SYNM: variants seen among roughly 807,000 people sequenced by gnomAD.
The protein encoded by SYNM is synemin, also known as desmuslin.
SYNM carries 95 observed loss-of-function variants against 104.0 expected under a neutral mutation model. That is an observed-to-expected ratio of 0.91 (90% CI 0.77 to 1.08). SYNM has a LOEUF of 1.08. Among genes scored for constraint, SYNM ranks in the 50% least tolerant of loss-of-function variants. The pLI is 0.00. For synonymous variants in SYNM, 918 were observed against 869.0 expected (o/e 1.06, Z -0.99); for missense variants, 2,150 against 2,052.2 (o/e 1.05, Z -0.92).
rs571837118 is a variant in SYNM at position 99,105,365 on chromosome 15, G to A, written c.166G>A (p.Gly56Arg). The change falls in exon 1 of 4, where the codon GGG (glycine) becomes AGG (arginine). Residue 56 changes from glycine to arginine, a missense_variant. By Grantham distance (125) the Gly-to-Arg change is moderately radical. Coordinates refer to ENST00000336292, the MANE Select transcript of SYNM (RefSeq NM_145728.3). ...RRGREGLWAE[G>R]QARCAEEARS... The stretch of plus-strand genomic sequence containing the variant: ...CGGGCGAGAGGGCCTGTGGGCCGAG[G>A]GGCAGGCCCGCTGCGCCGAGGAGGC... The A allele has an allele frequency of 6.5e-6, 10 of 1,528,972 alleles. No homozygotes were observed. The Admixed American group carries it at 9.9e-5, about 15-fold the overall frequency. 94.7% of individuals were successfully genotyped at this position (1,528,972 alleles called of 1,614,324 possible).
intron 2 of SYNM, among the ~76,000 whole-genome samples, chr15:99,124,095 A>G (rs1555484824): frequency 6.6e-6 from 1 of 152,242 alleles, no homozygotes; most frequent in African/African-American, 2.4e-5. Flanking sequence ...AATGCCCACA[A>G]TAGCCCATGA....
chr15:99,135,803 C>G (rs1192349778), downstream of SYNM, among the ~76,000 whole-genome samples: 1 of 152,222 alleles, frequency 6.6e-6, no homozygotes, highest in Admixed American at 6.5e-5. Flanking sequence ...GCAGACAGAG[C>G]ATAAGCCAAT....
At chr15:99,120,079 T>C (rs12439693) in intron 2 of SYNM, among the ~76,000 whole-genome samples, 33,029 of 152,184 alleles carry the variant, frequency 0.22, 3,970 homozygotes, top group East Asian at 0.33. Context: ...TTTTTCCATG[T>C]GATGACACCC....
rs781890345 is a variant in SYNM, at chr15:99,130,180, C to T, written c.1820C>T (p.Thr607Ile). The T allele has an allele frequency of 1.2e-5, 19 of 1,613,852 alleles. No homozygotes were observed. The highest frequency in any genetic ancestry group is 1.6e-5 in the Non-Finnish European group (19 of 1,179,894). ...CCTGTGAAGGATGCTGGTGGTGGGA[C>T]CGGTAGAGAGGCAGAAGCAAGAGAG... is the stretch of plus-strand genomic sequence containing the variant. Reference protein sequence around the residue: ...QTPVKDAGGGTGREAEARELR... With the variant: ...QTPVKDAGGGIGREAEARELR... Residue 607 changes from threonine to isoleucine, a missense_variant, in exon 4 of 4, where the codon ACC becomes ATC. Transcript: ENST00000336292.
rs1351201016 is a variant in SYNM at position 99,105,122 on chromosome 15, G to A, written c.-78G>A. On this transcript the variant is annotated 5_prime_UTR_variant, in exon 1 of 4. Transcript: ENST00000336292. ...GGCAGCGGCGAGGCCGGAGCGTCGCGGCGGAGAGGACGAGACCGGGACAAG... is the reference window on the plus strand; with the variant it reads ...GGCAGCGGCGAGGCCGGAGCGTCGCAGCGGAGAGGACGAGACCGGGACAAG... The A allele has an allele frequency of 2.0e-6, 3 of 1,471,714 alleles. No individual in the cohort carries two copies. Among genetic ancestry groups the A allele is most frequent in the Admixed American group, 4.1e-5 (2 of 48,340 alleles). 91.2% of individuals were successfully genotyped at this position (1,471,714 alleles called of 1,614,324 possible). A position where few individuals can be genotyped will look rare whatever the true frequency, so the allele number is the denominator to read the frequency against.
chr15:99,116,642 G>A lies in SYNM; in HGVS notation c.935+2927G>A, dbSNP rs572402601. ...CAGGCATGTCACATGGCAAGAGAGC[G>A]AGCAAGAGAGTGGGGAGGTGTCAGG... On this transcript the variant is annotated intron_variant, in intron 2 of 3. Coordinates refer to ENST00000336292, the MANE Select transcript of SYNM (RefSeq NM_145728.3). Among the ~76,000 whole-genome samples, 11 of 143,290 alleles carry A rather than the reference G, an allele frequency of 7.7e-5. 1 individual carries two copies. The highest frequency in any genetic ancestry group is 6.9e-4 in the East Asian group (3 of 4,360). 94.0% of individuals were successfully genotyped at this position (143,290 alleles called of 152,430 possible).
In SYNM at chr15:99,129,684, G is replaced by A; in HGVS notation, c.1324G>A (p.Val442Met). 1.9e-6 allele frequency: 3 copies of A among 1,613,938 alleles called. No homozygotes were observed. The highest frequency in any genetic ancestry group is 8.5e-7 in the Non-Finnish European group (1 of 1,179,898). ...CCTTTTAAGAAATACTGAGGCTCAA[G>A]TGAAAACATTCCCTGACAGACCAAA... Reference protein sequence around the residue: ...YGLLRNTEAQVKTFPDRPKAG... With the variant: ...YGLLRNTEAQMKTFPDRPKAG... The change falls in exon 4 of 4, where the codon GTG (valine) becomes ATG (methionine). Residue 442 changes from valine to methionine, a missense_variant. Coordinates refer to ENST00000336292, the MANE Select transcript of SYNM (RefSeq NM_145728.3).
chr15:99,130,729 A>G lies in SYNM; in HGVS notation c.2369A>G (p.Tyr790Cys). The G allele has an allele frequency of 6.2e-7, 1 of 1,613,932 alleles. No individual in the cohort carries two copies. Among genetic ancestry groups the G allele is most frequent in the Non-Finnish European group, 8.5e-7 (1 of 1,179,882 alleles). ...GGGTTGGTTAAGGAGGAGGAAGGTTATGGAGAAAGCGATGTCACATTCTCA... is the reference window on the plus strand; with the variant it reads ...GGGTTGGTTAAGGAGGAGGAAGGTTGTGGAGAAAGCGATGTCACATTCTCA... ...PWGLVKEEEG[Y>C]GESDVTFSVN... Residue 790 changes from tyrosine to cysteine, a missense_variant, in exon 4 of 4, where the codon TAT becomes TGT. Tyr to Cys is a radical substitution (Grantham distance 194). Coordinates refer to ENST00000336292, the MANE Select transcript of SYNM (RefSeq NM_145728.3).
At chr15:99,118,999 G>T (rs2067375253) in intron 2 of SYNM, among the ~76,000 whole-genome samples, 1 of 152,262 alleles carries the variant, frequency 6.6e-6, no homozygotes, top group Non-Finnish European at 1.5e-5. Context: ...ACTGGCTCTT[G>T]TCTCCTGTCA....
intron 2 of SYNM, among the ~76,000 whole-genome samples, chr15:99,118,038 A>C (rs991637154): frequency 4.6e-5 from 7 of 152,210 alleles, no homozygotes; most frequent in Non-Finnish European, 1.0e-4. Context: ...GGACCCTGCC[A>C]GGAGCTTGCC....
intron 2 of SYNM, among the ~76,000 whole-genome samples, chr15:99,121,845 GT>G (rs2067404392): frequency 1.5e-5 from 2 of 130,046 alleles, no homozygotes; most frequent in Admixed American, 8.4e-5. Flanking sequence ...TGCAGAAACA[GT>G]GTGCGTGACA....
rs181757443 is a variant in SYNM, at chr15:99,114,188, G to A, written c.935+473G>A. Among the ~76,000 whole-genome samples, 45 of 152,298 alleles carry A rather than the reference G, an allele frequency of 3.0e-4. 2 individuals carry two copies. Among genetic ancestry groups the A allele is most frequent in the Admixed American group, 2.7e-3 (42 of 15,296 alleles). On this transcript the variant is annotated intron_variant, in intron 2 of 3. Coordinates refer to ENST00000336292, the MANE Select transcript of SYNM (RefSeq NM_145728.3). ...GGTTTAATTGACTCACAGTTATTCCGCAGGGCTGGGGAGGCCTCAGGAAAC... is the reference window on the plus strand; with the variant it reads ...GGTTTAATTGACTCACAGTTATTCCACAGGGCTGGGGAGGCCTCAGGAAAC...
Position 99,131,783 on chromosome 15 carries a change from A to G in SYNM, c.3423A>G (p.Ser1141=), listed in dbSNP as rs782320849. The G allele has an allele frequency of 1.2e-6, 2 of 1,613,988 alleles. No homozygotes were observed. Among genetic ancestry groups the G allele is most frequent in the Non-Finnish European group, 1.7e-6 (2 of 1,179,902 alleles). The change falls in exon 4 of 4, where the codon TCA becomes TCG. Residue 1141 remains serine (S), a synonymous_variant. Coordinates refer to ENST00000336292, the MANE Select transcript of SYNM (RefSeq NM_145728.3). This position sits in a 1 kb window ranked among gnomAD's most constrained non-coding sequence, Gnocchi z 4.3. Reference sequence around the variant, plus strand: ...AAGTCTGGAGGACTGAGCGAATGTCATATGAAGGACCCACTGCAGAAGTGG... The same window carrying G: ...AAGTCTGGAGGACTGAGCGAATGTCGTATGAAGGACCCACTGCAGAAGTGG... ...PSEVWRTERM[S]YEGPTAEVVE...
Position 99,105,221 on chromosome 15 carries a change from A to C in SYNM, c.22A>C (p.Thr8Pro). The change falls in exon 1 of 4, where the codon ACG (threonine) becomes CCG (proline). Residue 8 changes from threonine (T) to proline (P), a missense_variant. Thr to Pro is a conservative substitution (Grantham distance 38, BLOSUM62 -1). Transcript: ENST00000336292. Reference protein sequence around the residue: MLSWRLQTGPEKAELQEL... With the variant: MLSWRLQPGPEKAELQEL... ...CAAGATGCTGTCCTGGCGGCTGCAGACGGGCCCCGAGAAGGCCGAGCTCCA... is the reference window on the plus strand; with the variant it reads ...CAAGATGCTGTCCTGGCGGCTGCAGCCGGGCCCCGAGAAGGCCGAGCTCCA... 1 of 1,573,434 alleles carries C rather than the reference A, an allele frequency of 6.4e-7. No homozygotes were observed. The highest frequency in any genetic ancestry group is 2.3e-5 in the East Asian group (1 of 42,900).
rs2654966 is a variant in SYNM at position 99,111,048 on chromosome 15, T to C, written c.811-2543T>C. Among the ~76,000 whole-genome samples, 337 of 152,370 alleles carry C rather than the reference T, an allele frequency of 2.2e-3. 1 individual carries two copies. The highest frequency in any genetic ancestry group is 7.7e-3 in the African/African-American group (321 of 41,598). ...ACAATTTAGGAGGAGCTGACTCACA[T>C]GGAAATGTGACTGAAACTGTACTTA... On this transcript the variant is annotated intron_variant, in intron 1 of 3. Transcript: ENST00000336292.
intron 1 of SYNM, 135 bp downstream of exon 1, chr15:99,106,144 G>A: frequency 2.1e-6 from 2 of 975,126 alleles, no homozygotes; most frequent in Non-Finnish European, 2.8e-6. Flanking sequence ...CCCAGAGGGT[G>A]CCCGAATGGC....
At chr15:99,124,882 A>G (rs931660963) in intron 2 of SYNM, among the ~76,000 whole-genome samples, 5 of 152,160 alleles carry the variant, frequency 3.3e-5, no homozygotes, top group African/African-American at 1.2e-4. Flanking sequence ...TCAGCCAGGG[A>G]TGGTAAAGGC....
At chr15:99,124,454 ATCCGGC>A (rs2067429770) in intron 2 of SYNM, among the ~76,000 whole-genome samples, 1 of 152,166 alleles carries the variant, frequency 6.6e-6, no homozygotes, top group African/African-American at 2.4e-5. Context: ...GCCTGCTAGG[ATCCGGC>A]CATTGAGAAG....
chr15:99,109,625 G>C (rs1004979916), intron 1 of SYNM, among the ~76,000 whole-genome samples: 5 of 152,154 alleles, frequency 3.3e-5, no homozygotes, highest in Admixed American at 1.3e-4. Flanking sequence ...TTTGTGAAAC[G>C]AGGTACTGGA....
Sources: gnomAD v4.1 joint callset for allele counts (sites outside exome capture counted in the v4.1 genomes callset) on GRCh38, gnomAD v4.1.1 for gene constraint, Gnocchi (gnomAD v3.1) non-coding constraint, MANE v1.5 for transcripts, NCBI Gene and HGNC (gene_info 2026-07-23, HGNC 2026-07-21) for gene names.